Variants in TRPM8 observed in about 807,000 individuals in gnomAD.
The protein encoded by TRPM8 is transient receptor potential cation channel subfamily M member 8, also known as TRPM8 cationic channel.
TRPM8 carries 110 observed loss-of-function variants against 133.7 expected under a neutral mutation model. That is an observed-to-expected ratio of 0.82 (90% CI 0.70 to 0.96). The LOEUF (loss-of-function observed/expected upper bound fraction) is 0.96. Ranked by LOEUF, TRPM8 falls within the 40% of genes least tolerant of loss-of-function variation. The probability of loss-of-function intolerance (pLI) is 0.00; values close to 1 mark genes in which losing one functional copy is unlikely to be tolerated. For missense variants in TRPM8, 1,291 were observed against 1,379.5 expected, an observed-to-expected ratio of 0.94 and a Z score of 1.02; for synonymous variants, 535 against 532.3, an observed-to-expected ratio of 1.01 and a Z score of -0.07.
intron 16 of TRPM8, 182 bp from the exon 17 acceptor site, chr2:233,970,028 G>A (rs1248406157): frequency 2.9e-6 from 2 of 695,800 alleles, no homozygotes; most frequent in East Asian, 2.6e-5. Context: ...GCAGAATGTG[G>A]ATTTGTTAAT....
chr2:233,920,372 G>A (rs1020055623), intron 1 of TRPM8, among the ~76,000 whole-genome samples: 5 of 152,104 alleles, frequency 3.3e-5, no homozygotes, highest in Admixed American at 1.3e-4. Context: ...TGAGAGTAAA[G>A]ACCATGAATA....
chr2:234,014,611 A>T lies in TRPM8; in HGVS notation c.3314A>T (p.Ter1105LeuextTer42), dbSNP rs200355401. 2.6e-6 allele frequency: 4 copies of T among 1,529,104 alleles called. No individual in the cohort carries two copies. Among genetic ancestry groups the T allele is most frequent in the Non-Finnish European group, 3.5e-6 (4 of 1,131,524 alleles). 94.7% of individuals were successfully genotyped at this position (1,529,104 alleles called of 1,614,324 possible). A position where few individuals can be genotyped will look rare whatever the true frequency, so the allele number is the denominator to read the frequency against. ...AAAGAGATTGCTAATAAAATCAAAT[A>T]AAACTGTATGAACTCTAATGGAGAA... Reference protein sequence around the residue: ...LLKEIANKIK* With the variant: ...LLKEIANKIKL The change falls in exon 25 of 26, where the codon TAA becomes TTA. Residue 1105 changes from the stop codon to leucine, a stop_lost. Transcript: ENST00000324695.
At chr2:234,009,968 G>A (rs1692795344) in intron 24 of TRPM8, among the ~76,000 whole-genome samples, 1 of 152,176 alleles carries the variant, frequency 6.6e-6, no homozygotes, top group East Asian at 1.9e-4. Context: ...ATCTGTGAGT[G>A]TTGTATGTAT....
intron 3 of TRPM8, among the ~76,000 whole-genome samples, chr2:233,932,477 G>T (rs948139108): frequency 6.6e-6 from 1 of 152,146 alleles, no homozygotes; most frequent in Non-Finnish European, 1.5e-5. Flanking sequence ...AGTGGAATAT[G>T]TTGATTGGCA....
At chr2:233,924,503 T>TA (rs1691473333) in intron 1 of TRPM8, among the ~76,000 whole-genome samples, 1 of 152,128 alleles carries the variant, frequency 6.6e-6, no homozygotes, top group African/African-American at 2.4e-5. Context: ...ACAATGTGTC[T>TA]AGAAGATCAA....
At chr2:233,977,661 TC>T (rs879303843) in intron 17 of TRPM8, among the ~76,000 whole-genome samples, 4 of 152,074 alleles carry the variant, frequency 2.6e-5, no homozygotes, top group Non-Finnish European at 4.4e-5. Context: ...TCCTGTGGCC[TC>T]CCCCGAGGAG....
At chr2:234,015,979 G>T (rs1692946716) in intron 25 of TRPM8, among the ~76,000 whole-genome samples, 1 of 152,174 alleles carries the variant, frequency 6.6e-6, no homozygotes, top group Non-Finnish European at 1.5e-5. Context: ...GTAATAATCA[G>T]AAGAGAGTCA....
intron 20 of TRPM8, among the ~76,000 whole-genome samples, chr2:233,984,084 A>G (rs1692081237): frequency 6.6e-6 from 1 of 152,120 alleles, no homozygotes; most frequent in Non-Finnish European, 1.5e-5. Flanking sequence ...ACAACCCTCC[A>G]CGTCCGTCAT....
At chr2:233,956,015 C>T (rs1323650312) in intron 11 of TRPM8, among the ~76,000 whole-genome samples, 4 of 152,146 alleles carry the variant, frequency 2.6e-5, no homozygotes, top group Non-Finnish European at 5.9e-5. Context: ...CCCATCACCC[C>T]CAGATGAGAC....
intron 17 of TRPM8, among the ~76,000 whole-genome samples, chr2:233,972,736 C>A (rs181583591): frequency 6.6e-6 from 1 of 152,192 alleles, no homozygotes; most frequent in Non-Finnish European, 1.5e-5. Flanking sequence ...ATTGCCCGGG[C>A]GGGCAGGGCC....
Position 233,950,144 on chromosome 2 carries a change from T to C in TRPM8, c.1138T>C (p.Trp380Arg), listed in dbSNP as rs1273888486. 6.2e-7 allele frequency: 1 copy of C among 1,611,812 alleles called. No homozygotes were observed. The highest frequency in any genetic ancestry group is 8.5e-7 in the Non-Finnish European group (1 of 1,179,730). The change falls in exon 9 of 26, where the codon TGG becomes CGG. Residue 380 changes from tryptophan to arginine, a missense_variant and splice_region_variant. By Grantham distance (101) the Trp-to-Arg change is moderately radical. Transcript: ENST00000324695. ...GGAGGAGACTGAGAGTTGGATCAAATGGGTAAGTTGTCGGGACCATGTCTG... is the reference window on the plus strand; with the variant it reads ...GGAGGAGACTGAGAGTTGGATCAAACGGGTAAGTTGTCGGGACCATGTCTG... ...PEEETESWIK[W>R]LKEILECSHL...
intron 21 of TRPM8, among the ~76,000 whole-genome samples, chr2:233,992,326 T>G (rs1559544796): frequency 6.6e-6 from 1 of 152,118 alleles, no homozygotes; most frequent in Non-Finnish European, 1.5e-5. Context: ...GCCAGAAGAT[T>G]TCTAGCAGTT....
intron 2 of TRPM8, among the ~76,000 whole-genome samples, chr2:233,929,008 T>A (rs28946908): frequency 4.4e-4 from 55 of 124,340 alleles, no homozygotes; most frequent in Admixed American, 9.1e-4. Context: ...TTTTTTTTTT[T>A]ATTTTTTTGC....
chr2:233,980,437 C>G (rs945036708), intron 18 of TRPM8, among the ~76,000 whole-genome samples, 158 bp downstream of exon 18: 11 of 152,172 alleles, frequency 7.2e-5, no homozygotes. Flanking sequence ...CCTTGGTTGT[C>G]GTGAAGTTGA....
rs1308226221 is a variant in TRPM8, at chr2:233,955,110, GTCTTTTCCTGCCC to G, written c.1244-18_1244-6del. On this transcript the variant is annotated splice_polypyrimidine_tract_variant and intron_variant, in intron 10 of 25. Transcript: ENST00000324695. ...TATTTCTGAGCCTTTGGTGAGTTGA[GTCTTTTCCTGCCC>G]TCTCACAGCCTTCAGCACCAGTGAG... 4.4e-6 allele frequency: 7 copies of G among 1,582,890 alleles called. No individual in the cohort carries two copies. Among genetic ancestry groups the G allele is most frequent in the Non-Finnish European group, 3.5e-6 (4 of 1,152,722 alleles).
chr2:233,934,048 G>T (rs1202335356), intron 3 of TRPM8: 1 of 167,038 alleles, frequency 6.0e-6, no homozygotes, highest in Non-Finnish European at 1.5e-5. Context: ...GAAATATTTG[G>T]AATAGGAATC....
Position 233,980,183 on chromosome 2 carries a change from C to A in TRPM8, c.2356-5C>A. 3.1e-6 allele frequency: 5 copies of A among 1,589,954 alleles called. No homozygotes were observed. Among genetic ancestry groups the A allele is most frequent in the East Asian group, 4.5e-5 (2 of 44,040 alleles). On this transcript the variant is annotated splice_polypyrimidine_tract_variant and splice_region_variant and intron_variant, in intron 17 of 25. Transcript: ENST00000324695. ...ATGTCCCTCTCTGTCCCTTTCTGTACGCAGTGGTACGTAAATGGGGTGAAT... is the reference window on the plus strand; with the variant it reads ...ATGTCCCTCTCTGTCCCTTTCTGTAAGCAGTGGTACGTAAATGGGGTGAAT...
chr2:234,016,555 C>T (rs572173129), intron 25 of TRPM8, among the ~76,000 whole-genome samples: 2 of 152,174 alleles, frequency 1.3e-5, no homozygotes, highest in South Asian at 2.1e-4. Context: ...AACTGGAAAC[C>T]GTTTGACCTA....
At chr2:233,978,263 CTTT>C (rs1355331331) in intron 17 of TRPM8, among the ~76,000 whole-genome samples, 7 of 144,764 alleles carry the variant, frequency 4.8e-5, no homozygotes, top group Non-Finnish European at 7.6e-5. Flanking sequence ...TTTTTTCCTT[CTTT>C]GTTAGTCTCC....
Sources: allele counts gnomAD v4.1 joint callset (sites outside exome capture counted in the v4.1 genomes callset), GRCh38; gene constraint gnomAD v4.1.1; transcripts MANE v1.5; gene names NCBI Gene and HGNC (gene_info 2026-07-23, HGNC 2026-07-21).